RIMS1: variants seen among roughly 807,000 people sequenced by gnomAD.
The protein encoded by RIMS1 is regulating synaptic membrane exocytosis 1, also known as regulating synaptic membrane exocytosis protein 1.
In RIMS1, 83 loss-of-function variants were observed where a neutral mutation model predicts 214.1. That is an observed-to-expected ratio of 0.39 (90% CI 0.32 to 0.47). RIMS1 has a LOEUF of 0.47. Ranked by LOEUF, RIMS1 falls within the 20% of genes least tolerant of loss-of-function variation. The pLI, the probability that RIMS1 is intolerant of heterozygous loss-of-function variation, is 0.99. For missense variants in RIMS1, 2,050 were observed against 2,161.8 expected (o/e 0.95, Z 1.03); for synonymous variants, 793 against 786.8 (o/e 1.01, Z -0.13).
intron 25 of RIMS1, among the ~76,000 whole-genome samples, chr6:72,291,366 A>G (rs2093361590): frequency 1.3e-5 from 2 of 152,184 alleles, no homozygotes; most frequent in Admixed American, 1.3e-4. Context: ...TTTATTTGTA[A>G]TTTTAATGCT....
chr6:72,335,445 G>A (rs2096810248), intron 29 of RIMS1, among the ~76,000 whole-genome samples: 1 of 151,960 alleles, frequency 6.6e-6, no homozygotes, highest in African/African-American at 2.4e-5. Flanking sequence ...TTGTGTATGT[G>A]TGCCACATTT....
intron 6 of RIMS1, among the ~76,000 whole-genome samples, chr6:72,225,884 T>C (rs2060035533): frequency 1.3e-5 from 2 of 152,198 alleles, no homozygotes; most frequent in African/African-American, 4.8e-5. Flanking sequence ...CTTACTATTC[T>C]ATATTTAGAT....
intron 6 of RIMS1, among the ~76,000 whole-genome samples, chr6:72,231,021 T>G (rs944480995): frequency 6.6e-6 from 1 of 151,656 alleles, no homozygotes; most frequent in Non-Finnish European, 1.5e-5. Context: ...ATTTATCATT[T>G]TGCAGCTATG....
In RIMS1 at chr6:72,204,749, T is replaced by C. The variant is rs146989111; in HGVS notation, c.1678+21600T>C. On this transcript the variant is annotated intron_variant, in intron 6 of 33. Coordinates refer to ENST00000521978, the MANE Select transcript of RIMS1 (RefSeq NM_014989.7). Reference sequence around the variant, plus strand: ...GTTTATAGTTACATACATGGAATTATAGTTGTTGGATTAAGTTGTACATTG... The same window carrying C: ...GTTTATAGTTACATACATGGAATTACAGTTGTTGGATTAAGTTGTACATTG... Among the ~76,000 whole-genome samples the C allele has an allele frequency of 9.7e-4, 148 of 152,324 alleles. 2 individuals carry two copies. Among genetic ancestry groups the C allele is most frequent in the African/African-American group, 3.3e-3 (139 of 41,584 alleles).
chr6:72,389,046 G>T (rs1435028334), intron 29 of RIMS1, among the ~76,000 whole-genome samples: 2 of 152,136 alleles, frequency 1.3e-5, no homozygotes, highest in African/African-American at 2.4e-5. Context: ...AGATCACCTA[G>T]GAAGTAAGTG....
rs181737448 is a variant in RIMS1, at chr6:72,027,908, T to C, written c.245+58845T>C. 2.3e-3 allele frequency among the ~76,000 whole-genome samples: 343 copies of C among 152,286 alleles called. 2 individuals are homozygous for C. The highest frequency in any genetic ancestry group is 7.8e-3 in the African/African-American group (324 of 41,580). ...TAGTCTTGATTGTTGTCTTTTGCTA[T>C]TCTGTTGAGGCATTAAGTATATTGG... On this transcript the variant is annotated intron_variant, in intron 2 of 33. Transcript: ENST00000521978.
chr6:72,336,301 C>G (rs967501489), intron 29 of RIMS1, among the ~76,000 whole-genome samples: 4 of 151,772 alleles, frequency 2.6e-5, no homozygotes. Flanking sequence ...AAAAACTATA[C>G]TTGTGGCTCA....
At chr6:72,237,237 AAAGG>A (rs904539656) in intron 8 of RIMS1, among the ~76,000 whole-genome samples, 10 of 151,544 alleles carry the variant, frequency 6.6e-5, no homozygotes, top group African/African-American at 9.7e-5. Flanking sequence ...GAGAAAAAAA[AAAGG>A]AAGGAAGGAA....
chr6:72,166,231 C>T (rs1651228476), intron 4 of RIMS1, among the ~76,000 whole-genome samples: 1 of 150,390 alleles, frequency 6.6e-6, no homozygotes, highest in Non-Finnish European at 1.5e-5. Context: ...TGCACACATA[C>T]ACAGTGAGAG....
At chr6:72,396,352 T>G (rs1290059673) in intron 31 of RIMS1, among the ~76,000 whole-genome samples, 2 of 152,252 alleles carry the variant, frequency 1.3e-5, no homozygotes, top group East Asian at 3.9e-4. Context: ...TTAATATAAG[T>G]AGCAAAGACA....
At chr6:72,205,030 T>G (rs1376837593) in intron 6 of RIMS1, among the ~76,000 whole-genome samples, 1 of 152,150 alleles carries the variant, frequency 6.6e-6, no homozygotes, top group African/African-American at 2.4e-5. Flanking sequence ...TTACTTTGTT[T>G]CTTGTGTAAT....
chr6:72,180,460 A>T (rs1485075602), intron 5 of RIMS1, among the ~76,000 whole-genome samples: 1 of 152,244 alleles, frequency 6.6e-6, no homozygotes, highest in Non-Finnish European at 1.5e-5. Flanking sequence ...GCTGCTGGCT[A>T]CAGTGCAAGT....
intron 2 of RIMS1, among the ~76,000 whole-genome samples, chr6:71,995,842 A>C (rs1803253416): frequency 6.6e-6 from 1 of 152,050 alleles, no homozygotes; most frequent in African/African-American, 2.4e-5. Flanking sequence ...GCTGGAGTGC[A>C]GTGGCGTGAT....
At chr6:72,132,622 T>A (rs975817056) in intron 4 of RIMS1, among the ~76,000 whole-genome samples, 3 of 151,638 alleles carry the variant, frequency 2.0e-5, no homozygotes, top group Non-Finnish European at 4.4e-5. Flanking sequence ...TTGCTCCAGG[T>A]CATGCTTGAC....
At chr6:72,291,488 T>C (rs905309003) in intron 25 of RIMS1, among the ~76,000 whole-genome samples, 2 of 152,230 alleles carry the variant, frequency 1.3e-5, no homozygotes, top group East Asian at 3.8e-4. Context: ...AGTCTGCAGC[T>C]AGAATTCTTA....
intron 4 of RIMS1, among the ~76,000 whole-genome samples, chr6:72,102,909 A>G (rs1443123615): frequency 6.6e-6 from 1 of 152,134 alleles, no homozygotes; most frequent in Non-Finnish European, 1.5e-5. Flanking sequence ...AGCTCATGGC[A>G]TGATGAAGCA....
intron 2 of RIMS1, among the ~76,000 whole-genome samples, chr6:72,053,216 T>C (rs1340327824): frequency 2.0e-5 from 3 of 152,208 alleles, no homozygotes; most frequent in South Asian, 2.1e-4. Context: ...CTGTGTTTCT[T>C]TCCTCCCCAT....
chr6:72,220,398 T>C (rs1350561893), intron 6 of RIMS1, among the ~76,000 whole-genome samples: 1 of 151,916 alleles, frequency 6.6e-6, no homozygotes, highest in Admixed American at 6.6e-5. Flanking sequence ...GTGGATCCCC[T>C]AAATGTAATT....
chr6:71,978,603 C>A (rs1797732350), intron 2 of RIMS1, among the ~76,000 whole-genome samples: 1 of 151,968 alleles, frequency 6.6e-6, no homozygotes, highest in African/African-American at 2.4e-5. Flanking sequence ...ATGTCATATG[C>A]AAAGGATCTT....
Sources: gnomAD v4.1 joint callset for allele counts (sites outside exome capture counted in the v4.1 genomes callset) on GRCh38, gnomAD v4.1.1 for gene constraint, MANE v1.5 for transcripts, NCBI Gene and HGNC (gene_info 2026-07-23, HGNC 2026-07-21) for gene names.